Variants in CTIF observed in about 807,000 individuals in gnomAD.
CTIF encodes the protein cap binding complex dependent translation initiation factor.
A neutral mutation model predicts 66.0 loss-of-function variants in CTIF; 21 were observed. That is an observed-to-expected ratio of 0.32 (90% CI 0.23 to 0.46). CTIF has a LOEUF of 0.46. CTIF is among the 20% of genes least tolerant of loss of function. The probability of loss-of-function intolerance (pLI) is 1.00; values close to 1 mark genes in which losing one functional copy is unlikely to be tolerated. For missense variants in CTIF, 739 were observed against 812.7 expected, an observed-to-expected ratio of 0.91 and a Z score of 1.10; for synonymous variants, 345 against 326.4, an observed-to-expected ratio of 1.06 and a Z score of -0.62.
At chr18:48,626,051 T>C (rs2090589832) in intron 2 of CTIF, among the ~76,000 whole-genome samples, 1 of 144,642 alleles carries the variant, frequency 6.9e-6, no homozygotes, top group Non-Finnish European at 1.5e-5. Flanking sequence ...ACCAAGGCTG[T>C]AGTGTAGTGG....
chr18:48,583,499 G>A (rs1209934731), intron 1 of CTIF, among the ~76,000 whole-genome samples: 1 of 152,116 alleles, frequency 6.6e-6, no homozygotes, highest in South Asian at 2.1e-4. Context: ...AGAGGGCGCC[G>A]ATCTCGGTTT....
intron 7 of CTIF, among the ~76,000 whole-genome samples, chr18:48,741,880 GA>G (rs2092558209): frequency 6.6e-6 from 1 of 152,138 alleles, no homozygotes; most frequent in Non-Finnish European, 1.5e-5. Flanking sequence ...GCCTCCCGGG[GA>G]ACAGAGAGCC....
At chr18:48,678,934 A>G (rs1433969611) in intron 6 of CTIF, among the ~76,000 whole-genome samples, 1 of 152,244 alleles carries the variant, frequency 6.6e-6, no homozygotes, top group African/African-American at 2.4e-5. Flanking sequence ...ATAAAGTTTT[A>G]TCAAAACGCA....
intron 9 of CTIF, among the ~76,000 whole-genome samples, chr18:48,805,135 A>G (rs549654657): frequency 2.6e-5 from 4 of 152,322 alleles, no homozygotes; most frequent in Admixed American, 2.6e-4. Flanking sequence ...GATGTGTCAC[A>G]GTGTCTGTGG....
chr18:48,857,482 C>T (rs1599176765), intron 10 of CTIF, 106 bp from the exon 11 acceptor site: 7 of 909,036 alleles, frequency 7.7e-6, no homozygotes, highest in Non-Finnish European at 1.2e-5. Flanking sequence ...TTGTTACAGG[C>T]CGCATCAGGG....
chr18:48,831,319 A>G (rs918119984), intron 10 of CTIF, among the ~76,000 whole-genome samples: 2 of 152,244 alleles, frequency 1.3e-5, no homozygotes, highest in Non-Finnish European at 2.9e-5. Flanking sequence ...CGAGCTTCAT[A>G]TGAGATTCAG....
intron 6 of CTIF, among the ~76,000 whole-genome samples, chr18:48,689,593 G>T (rs539176552): frequency 6.6e-6 from 1 of 152,274 alleles, no homozygotes; most frequent in African/African-American, 2.4e-5. Flanking sequence ...GAGGTCATAG[G>T]AGGGCCCACC....
chr18:48,842,024 C>T (rs908995383), intron 10 of CTIF, among the ~76,000 whole-genome samples: 7 of 152,146 alleles, frequency 4.6e-5, no homozygotes, highest in African/African-American at 1.7e-4. Context: ...GGTTCTCAAT[C>T]GGGGGCAGTT....
Position 48,755,659 on chromosome 18 carries a change from G to A in CTIF, c.585-2260G>A, listed in dbSNP as rs1193158533. On this transcript the variant is annotated intron_variant, in intron 7 of 11. Transcript: ENST00000256413. The stretch of plus-strand genomic sequence containing the variant: ...CTCCCACCCAAGTGTCAAGGCAACA[G>A]TGCTTTTGCCCAGGAATGTATATCA... 8 of 152,366 alleles carry A rather than the reference G, an allele frequency of 5.3e-5. No individual in the cohort carries two copies. The East Asian group carries it at 1.2e-3, about 22-fold the overall frequency. The allele number at this position is 152,366 out of a possible 1,614,324, so 9.4% of individuals were successfully genotyped here. A position where few individuals can be genotyped will look rare whatever the true frequency, so the allele number is the denominator to read the frequency against.
rs2069119081 is a variant in CTIF, at chr18:48,848,080, G to A, written c.1528-9508G>A. Among the ~76,000 whole-genome samples the A allele has an allele frequency of 3.9e-5, 6 of 152,184 alleles. No homozygotes were observed. In the South Asian group the frequency reaches 1.0e-3, roughly 26 times the overall value. ...GTGGCAACCATCCTAGAGCCCTGCA[G>A]GTGTGGTTCTTCTGACTCTGCCTCA... On this transcript the variant is annotated intron_variant, in intron 10 of 11. Coordinates refer to ENST00000256413, the MANE Select transcript of CTIF (RefSeq NM_014772.3).
rs73957002 is a variant in CTIF, at chr18:48,648,597, G to C, written c.252+11912G>C. 4.0e-3 allele frequency among the ~76,000 whole-genome samples: 611 copies of C among 152,002 alleles called. 1 individual carries two copies. The highest frequency in any genetic ancestry group is 0.013 in the African/African-American group (527 of 41,470). Reference sequence around the variant, plus strand: ...GTGCTTTCCCCCTCAGTTGCTCTCTGAGAAGATTCAACCATTCTCAAAGTC... The same window carrying C: ...GTGCTTTCCCCCTCAGTTGCTCTCTCAGAAGATTCAACCATTCTCAAAGTC... On this transcript the variant is annotated intron_variant, in intron 3 of 11. Transcript: ENST00000256413.
At chr18:48,545,411 C>T (rs1484500822) in intron 1 of CTIF, among the ~76,000 whole-genome samples, 2 of 151,904 alleles carry the variant, frequency 1.3e-5, no homozygotes, top group Admixed American at 6.5e-5. Flanking sequence ...GCATCCAGGT[C>T]ATAGGGGGTG....
At chr18:48,602,571 G>A (rs1341913334) in intron 1 of CTIF, among the ~76,000 whole-genome samples, 1 of 152,190 alleles carries the variant, frequency 6.6e-6, no homozygotes, top group Non-Finnish European at 1.5e-5. Flanking sequence ...TAGTTCTAAT[G>A]TCTAATAGTT....
At chr18:48,788,068 A>G (rs1191590037) in intron 9 of CTIF, among the ~76,000 whole-genome samples, 1 of 152,064 alleles carries the variant, frequency 6.6e-6, no homozygotes, top group Non-Finnish European at 1.5e-5. Flanking sequence ...GCTGACCTTG[A>G]GCTGGGACCC....
chr18:48,551,908 C>T (rs1277133188), intron 1 of CTIF, among the ~76,000 whole-genome samples: 1 of 152,160 alleles, frequency 6.6e-6, no homozygotes, highest in Non-Finnish European at 1.5e-5. Flanking sequence ...CGCCATTCTC[C>T]TGCCTCAGCC....
chr18:48,588,072 C>T (rs959718955), intron 1 of CTIF, among the ~76,000 whole-genome samples: 1 of 152,154 alleles, frequency 6.6e-6, no homozygotes, highest in African/African-American at 2.4e-5. Context: ...GGCATCTCCC[C>T]GGGGAGGCTC....
At chr18:48,782,059 T>G (rs971405574) in intron 9 of CTIF, among the ~76,000 whole-genome samples, 2 of 150,268 alleles carry the variant, frequency 1.3e-5, no homozygotes, top group African/African-American at 4.9e-5. Flanking sequence ...GGCAGGAGGG[T>G]GGGGTGGGTA....
chr18:48,616,819 A>G (rs1005088697), intron 1 of CTIF, among the ~76,000 whole-genome samples: 2 of 152,204 alleles, frequency 1.3e-5, no homozygotes, highest in African/African-American at 4.8e-5. Flanking sequence ...CCTTCTGTGC[A>G]TATAAGGACC....
At chr18:48,638,833 G>A (rs1324338682) in intron 3 of CTIF, among the ~76,000 whole-genome samples, 1 of 152,258 alleles carries the variant, frequency 6.6e-6, no homozygotes, top group Non-Finnish European at 1.5e-5. Flanking sequence ...CTTCATTACA[G>A]GGGAGGAGCC....
Sources: gnomAD v4.1 joint callset for allele counts (sites outside exome capture counted in the v4.1 genomes callset) on GRCh38, gnomAD v4.1.1 for gene constraint, MANE v1.5 for transcripts, NCBI Gene and HGNC (gene_info 2026-07-23, HGNC 2026-07-21) for gene names.